C1S: variants seen among roughly 807,000 people sequenced by gnomAD.
The protein encoded by C1S is complement C1s subcomponent.
In C1S, 31 loss-of-function variants were observed where a neutral mutation model predicts 54.0. That is an observed-to-expected ratio of 0.57 (90% CI 0.43 to 0.78). C1S has a LOEUF of 0.78. Among genes scored for constraint, C1S ranks in the 30% least tolerant of loss-of-function variants. The probability of loss-of-function intolerance (pLI) is 0.00; values close to 1 mark genes in which losing one functional copy is unlikely to be tolerated. For synonymous variants in C1S, 292 were observed against 303.6 expected, an observed-to-expected ratio of 0.96 and a Z score of 0.40; for missense variants, 727 against 851.8, an observed-to-expected ratio of 0.85 and a Z score of 1.82.
At chr12:7,065,436 G>A in intron 6 of C1S, 137 bp downstream of exon 6, 1 of 741,822 alleles carries the variant, frequency 1.3e-6, no homozygotes, top group Non-Finnish European at 2.4e-6. Flanking sequence ...GCTCACTGTA[G>A]CCTTGATCTC....
At chr12:7,066,440 G>C (rs782771555) in intron 7 of C1S, 78 bp from the exon 8 acceptor site, 2 of 845,598 alleles carry the variant, frequency 2.4e-6, no homozygotes, top group Non-Finnish European at 2.1e-6. Flanking sequence ...TAGAAAGTGT[G>C]AGAATGATGT....
rs1555161746 is a variant in C1S at position 7,064,298 on chromosome 12, C to T, written c.423C>T (p.Val141=). ...DINECTDFVD[V]PCSHFCNNFI... is the part of the protein sequence containing the mutation. The stretch of plus-strand genomic sequence containing the variant: ...ATGAATGCACAGATTTTGTAGATGT[C>T]CCTTGTAGCCACTTCTGCAACAATT... The change falls in exon 5 of 12, where the codon GTC becomes GTT. Residue 141 remains valine (V), a synonymous_variant. Transcript: ENST00000360817. The T allele has an allele frequency of 6.2e-7, 1 of 1,613,932 alleles. No homozygotes were observed. The highest frequency in any genetic ancestry group is 2.2e-5 in the East Asian group (1 of 44,882).
At chr12:7,066,097 G>A in intron 7 of C1S, 127 bp downstream of exon 7, 5 of 872,692 alleles carry the variant, frequency 5.7e-6, no homozygotes, top group Non-Finnish European at 9.6e-6. Context: ...GGGAGGCTGA[G>A]GCAGGAGGAT....
At chr12:7,061,724 T>G in intron 1 of C1S, 115 bp from the exon 2 acceptor site, 2 of 698,594 alleles carry the variant, frequency 2.9e-6, no homozygotes, top group South Asian at 3.0e-5. Flanking sequence ...ATGTTGGTGA[T>G]ATGGCCCTGT....
Position 7,067,700 on chromosome 12 carries a change from G to A in C1S, c.1124G>A (p.Ser375Asn), listed in dbSNP as rs1937709766. 10 of 1,613,804 alleles carry A rather than the reference G, an allele frequency of 6.2e-6. No individual in the cohort carries two copies. Among genetic ancestry groups the A allele is most frequent in the Admixed American group, 3.3e-5 (2 of 60,004 alleles). ...AATGGTAAAGTTGAAGACCCAGAGA[G>A]CACTTTGTTTGGTTCTGTCATCCGC... ...IENGKVEDPE[S>N]TLFGSVIRYT... Residue 375 changes from serine to asparagine, a missense_variant, in exon 10 of 12, where the codon AGC becomes AAC. Ser to Asn is a conservative substitution (Grantham distance 46). Around this residue, in one of 3 missense-constraint regions of C1S, gnomAD observed 360 missense variants for 453.6 expected, o/e 0.79. Transcript: ENST00000360817.
chr12:7,065,062 C>T lies in C1S; in HGVS notation c.518-38C>T, dbSNP rs781935016. ...TAGTGCAGGAATTCCTTTGCTTGAC[C>T]CTGTATTTGATTCTCCCTTTCTCTT... On this transcript the variant is annotated intron_variant, in intron 5 of 11. Transcript: ENST00000360817. 9 of 1,519,496 alleles carry T rather than the reference C, an allele frequency of 5.9e-6. 1 individual carries two copies. Among genetic ancestry groups the T allele is most frequent in the Middle Eastern group, 1.7e-4 (1 of 5,914 alleles). 94.1% of individuals were successfully genotyped at this position (1,519,496 alleles called of 1,614,324 possible).
rs1442335991 is a variant in C1S, at chr12:7,070,758, A to G, written c.*107A>G. ...TCATGACTGAAAGAAGACACGAGCG[A>G]ATGATTTAAATAGAACTTGATTGTT... On this transcript the variant is annotated 3_prime_UTR_variant, in exon 12 of 12. Transcript: ENST00000360817. This position sits in a 1 kb window ranked among gnomAD's most constrained non-coding sequence, Gnocchi z 4.9. 1 of 950,004 alleles carries G rather than the reference A, an allele frequency of 1.1e-6. No homozygotes were observed. The highest frequency in any genetic ancestry group is 2.4e-5 in the East Asian group (1 of 41,270). The allele number at this position is 950,004 out of a possible 1,614,324, so 58.8% of individuals were successfully genotyped here.
At position 7,065,835 on chromosome 12, in the gene C1S, C is replaced by T. The variant is rs782639217; in HGVS notation, c.736C>T (p.Gln246Ter). 1.2e-6 allele frequency: 2 copies of T among 1,612,692 alleles called. No individual in the cohort carries two copies. The highest frequency in any genetic ancestry group is 1.1e-5 in the South Asian group (1 of 91,062). The change falls in exon 7 of 12, where the codon CAA becomes TAA. Residue 246 changes from glutamine (Q) to a stop codon, truncating the protein, a stop_gained. Transcript: ENST00000360817. LOFTEE classifies it high-confidence loss of function. ...TGTTCAGTTTGTTGCAGGAGATCGG[C>T]AATTTGGTCCTTACTGTGGTCATGG... ...DSLVFVAGDR[Q>*]FGPYCGHGFP...
rs781794576 is a variant in C1S at position 7,061,896 on chromosome 12, T to C, written c.-17T>C. ...CCAAGAGACAGGCAGCTCACCAGGG[T>C]GGACAAATCGCCAGAGATGTGGTAA... On this transcript the variant is annotated 5_prime_UTR_variant, in exon 2 of 12. Coordinates refer to ENST00000360817, the MANE Select transcript of C1S (RefSeq NM_001734.5). 6.2e-7 allele frequency: 1 copy of C among 1,613,632 alleles called. No individual in the cohort carries two copies. Among genetic ancestry groups the C allele is most frequent in the Admixed American group, 1.7e-5 (1 of 59,988 alleles).
Position 7,063,026 on chromosome 12 carries a change from A to G in C1S, c.350A>G (p.Glu117Gly). 1 of 1,614,104 alleles carries G rather than the reference A, an allele frequency of 6.2e-7. No homozygotes were observed. Among genetic ancestry groups the G allele is most frequent in the Non-Finnish European group, 8.5e-7 (1 of 1,180,034 alleles). ...ATCTTTAAGTCAGACTTTTCCAATG[A>G]AGAGCGTTTTACGGGGTTTGCTGCA... ...QVIFKSDFSN[E>G]ERFTGFAAYY... The change falls in exon 4 of 12, where the codon GAA (glutamate) becomes GGA (glycine). Residue 117 changes from glutamate (E) to glycine (G), a missense_variant. Coordinates refer to ENST00000360817, the MANE Select transcript of C1S (RefSeq NM_001734.5).
At chr12:7,067,946 AG>A in intron 10 of C1S, 175 bp downstream of exon 10, 1 of 716,272 alleles carries the variant, frequency 1.4e-6, no homozygotes, top group Non-Finnish European at 2.4e-6. Flanking sequence ...GGGCAAGTTC[AG>A]GGGAGCATCA....
Position 7,063,030 on chromosome 12 carries a change from G to C in C1S, c.354G>C (p.Glu118Asp), listed in dbSNP as rs1555161512. The C allele has an allele frequency of 6.2e-7, 1 of 1,614,008 alleles. No individual in the cohort carries two copies. The highest frequency in any genetic ancestry group is 8.5e-7 in the Non-Finnish European group (1 of 1,180,028). Residue 118 changes from glutamate (E) to aspartate (D), a missense_variant, in exon 4 of 12, where the codon GAG (glutamate) becomes GAC (aspartate). By Grantham distance (45) the Glu-to-Asp change is conservative. Transcript: ENST00000360817. ...VIFKSDFSNE[E>D]RFTGFAAYYV... ...TTAAGTCAGACTTTTCCAATGAAGAGCGTTTTACGGGGTTTGCTGCATACT... is the reference window on the plus strand; with the variant it reads ...TTAAGTCAGACTTTTCCAATGAAGACCGTTTTACGGGGTTTGCTGCATACT...
chr12:7,062,933 G>A lies in C1S; in HGVS notation c.257G>A (p.Arg86Lys), dbSNP rs1555161475. The A allele has an allele frequency of 2.5e-6, 4 of 1,614,078 alleles. No homozygotes were observed. In the East Asian group the frequency reaches 6.7e-5, roughly 27 times the overall value. Residue 86 changes from arginine to lysine, a missense_variant, in exon 4 of 12, where the codon AGG becomes AAG. Coordinates refer to ENST00000360817, the MANE Select transcript of C1S (RefSeq NM_001734.5). ...DTEEGRLCGQ[R>K]SSNNPHSPIV... ...GAAGAAGGGAGGCTCTGTGGACAGA[G>A]GAGCAGTAACAATCCCCACTCTCCA...
chr12:7,065,396 C>T (rs781891179), intron 6 of C1S, 97 bp downstream of exon 6: 3 of 900,212 alleles, frequency 3.3e-6, no homozygotes, highest in South Asian at 2.7e-5. Flanking sequence ...TTCTCTGTTG[C>T]TCAAGCTGGA....
At chr12:7,065,550 T>TA in intron 6 of C1S, 1 of 606,600 alleles carries the variant, frequency 1.6e-6, no homozygotes. Flanking sequence ...TTTTTTTTTT[T>TA]ACAGAGATGG....
chr12:7,065,521 A>G (rs1243880373), intron 6 of C1S: 16 of 633,498 alleles, frequency 2.5e-5, no homozygotes, highest in Admixed American at 5.5e-5. Context: ...AAACCCAGCT[A>G]ATATTTTTAT....
intron 11 of C1S, chr12:7,068,881 T>C: frequency 3.3e-6 from 1 of 301,984 alleles, no homozygotes; most frequent in East Asian, 6.5e-5. Context: ...AGCCTAGTTA[T>C]TATATTAAAA....
chr12:7,068,650 A>C (rs1449883613), intron 11 of C1S, 120 bp downstream of exon 11: 1 of 755,814 alleles, frequency 1.3e-6, no homozygotes, highest in African/African-American at 1.7e-5. Flanking sequence ...AGTCCAGCTC[A>C]GTGAGGTGGC....
chr12:7,068,410 G>A (rs1488050603), intron 10 of C1S, 46 bp from the exon 11 acceptor site: 3 of 1,384,814 alleles, frequency 2.2e-6, no homozygotes, highest in East Asian at 2.3e-5. Flanking sequence ...ATGGAAGAAG[G>A]AAGATGTGGT....
Sources: allele counts gnomAD v4.1 joint callset, GRCh38; gene constraint gnomAD v4.1.1; regional missense constraint gnomAD v4.1.1; non-coding constraint Gnocchi (gnomAD v3.1); transcripts MANE v1.5; gene names NCBI Gene and HGNC (gene_info 2026-07-23, HGNC 2026-07-21).